Variants in PILRA observed in about 807,000 individuals in gnomAD.
PILRA encodes the protein paired immunoglobulin-like type 2 receptor alpha.
A neutral mutation model predicts 33.1 loss-of-function variants in PILRA; 37 were observed. The observed-to-expected ratio is 1.12, with a 90% CI of 0.86 to 1.47. The LOEUF (loss-of-function observed/expected upper bound fraction) is 1.47, where lower values mean the gene tolerates loss of function less well. Ranked by LOEUF, PILRA falls within the 40% of genes most tolerant of loss-of-function variation. The pLI, the probability that PILRA is intolerant of heterozygous loss-of-function variation, is 0.00. For synonymous variants in PILRA, 146 were observed against 149.9 expected (o/e 0.97, Z 0.19); for missense variants, 312 against 376.2 (o/e 0.83, Z 1.41).
intron 3 of PILRA, among the ~76,000 whole-genome samples, chr7:100,395,899 C>G (rs976530780): frequency 6.6e-6 from 1 of 151,824 alleles, no homozygotes; most frequent in African/African-American, 2.4e-5. Context: ...GCTGAGGTGG[C>G]AGATCACCTG....
chr7:100,382,053 G>A (rs1791116712), intron 2 of PILRA, among the ~76,000 whole-genome samples: 1 of 90,752 alleles, frequency 1.1e-5, no homozygotes, highest in South Asian at 3.9e-4. Context: ...AAGCCTCCAC[G>A]AGGAGCGCCG....
At position 100,373,963 on chromosome 7, in the gene PILRA, G is replaced by A. The variant is rs1194999588; in HGVS notation, c.65-81G>A. Reference sequence around the variant, plus strand: ...CACACGACTGCCTGTGGGTGAAGGTGCGGGAGGGTCTGGGGTCACCCTCTT... The same window carrying A: ...CACACGACTGCCTGTGGGTGAAGGTACGGGAGGGTCTGGGGTCACCCTCTT... On this transcript the variant is annotated intron_variant, in intron 1 of 6. Coordinates refer to ENST00000198536, the MANE Select transcript of PILRA (RefSeq NM_013439.3). The A allele has an allele frequency of 1.4e-5, 21 of 1,536,418 alleles. No individual in the cohort carries two copies. The South Asian group carries it at 1.6e-4, about 12-fold the overall frequency.
intron 2 of PILRA, among the ~76,000 whole-genome samples, chr7:100,386,151 T>C (rs1201520820): frequency 1.3e-5 from 2 of 151,378 alleles, no homozygotes; most frequent in African/African-American, 2.4e-5. Context: ...CCTCAGATGA[T>C]CCACCTGCCT....
intron 2 of PILRA, among the ~76,000 whole-genome samples, chr7:100,383,176 G>A (rs1298139418): frequency 6.6e-6 from 1 of 152,168 alleles, no homozygotes; most frequent in Non-Finnish European, 1.5e-5. Flanking sequence ...GGCACACTTG[G>A]GGAAACCAGT....
chr7:100,382,111 G>T (rs1275196324), intron 2 of PILRA, among the ~76,000 whole-genome samples: 2 of 152,138 alleles, frequency 1.3e-5, no homozygotes, highest in Admixed American at 6.5e-5. Context: ...AAGGGCCGAG[G>T]AGTGCGGGAG....
At chr7:100,373,947 G>A (rs752657227) in intron 1 of PILRA, 97 bp from the exon 2 acceptor site, 10 of 1,482,918 alleles carry the variant, frequency 6.7e-6, no homozygotes, top group Non-Finnish European at 8.3e-6. Flanking sequence ...TCACACGACT[G>A]CCTGTGGGTG....
upstream of PILRA, chr7:100,373,381 G>C (rs1790861348): frequency 3.5e-6 from 2 of 573,460 alleles, no homozygotes; most frequent in Non-Finnish European, 6.2e-6. Context: ...CTCGGCAGGA[G>C]GACGGGGACC....
intron 2 of PILRA, among the ~76,000 whole-genome samples, chr7:100,380,737 G>A (rs1356584756): frequency 1.3e-5 from 2 of 152,164 alleles, no homozygotes; most frequent in African/African-American, 2.4e-5. Flanking sequence ...AGGCCGAGGC[G>A]GGCGGATCAC....
At position 100,389,037 on chromosome 7, in the gene PILRA, T is replaced by C. The variant is rs553900079; in HGVS notation, c.455-851T>C. Among the ~76,000 whole-genome samples the C allele has an allele frequency of 2.9e-4, 44 of 152,310 alleles. No individual in the cohort carries two copies. In the South Asian group the frequency reaches 8.9e-3, roughly 31 times the overall value. On this transcript the variant is annotated intron_variant, in intron 2 of 6. Coordinates refer to ENST00000198536, the MANE Select transcript of PILRA (RefSeq NM_013439.3). ...TTTATGTTTTTTCTTATGTTTCCTT[T>C]TTGTTTTCAAGAGAGAGCTATCTTT...
In PILRA at chr7:100,390,051, G is replaced by A. The variant is rs771904472; in HGVS notation, c.618G>A (p.Val206=). The change falls in exon 3 of 7, where the codon GTG becomes GTA. Residue 206 remains valine, a synonymous_variant. Transcript: ENST00000198536. The part of the protein sequence containing the change: ...TAVGVAVAVT[V]LGIMILGLIC... ...TGGGGGTGGCAGTGGCTGTCACTGT[G>A]CTCGGAATCATGATTTTGGGACTGA... 6.2e-7 allele frequency: 1 copy of A among 1,614,076 alleles called. No individual in the cohort carries two copies. Among genetic ancestry groups the A allele is most frequent in the Admixed American group, 1.7e-5 (1 of 60,004 alleles).
upstream of PILRA, chr7:100,373,362 G>C: frequency 1.8e-6 from 1 of 564,686 alleles, no homozygotes; most frequent in South Asian, 2.2e-5. Context: ...CCAAGGTCAG[G>C]CCCAGCCCCT....
intron 4 of PILRA, among the ~76,000 whole-genome samples, chr7:100,398,245 C>A (rs545006260): frequency 3.3e-5 from 5 of 152,290 alleles, no homozygotes; most frequent in African/African-American, 7.2e-5. Context: ...TTCCTCTCAG[C>A]CTGGATCTTC....
chr7:100,388,851 G>C lies in PILRA; in HGVS notation c.455-1037G>C, dbSNP rs551490451. Among the ~76,000 whole-genome samples the C allele has an allele frequency of 1.6e-3, 248 of 151,014 alleles. 1 individual carries two copies. Among genetic ancestry groups the C allele is most frequent in the African/African-American group, 5.7e-3 (235 of 41,112 alleles). Reference sequence around the variant, plus strand: ...TTAGTCAAACTCATGGAGACAGAAAGTAGAGGGGTAGAAGGGTGGGGACAC... The same window carrying C: ...TTAGTCAAACTCATGGAGACAGAAACTAGAGGGGTAGAAGGGTGGGGACAC... On this transcript the variant is annotated intron_variant, in intron 2 of 6. Transcript: ENST00000198536.
chr7:100,381,499 C>T (rs1390905254), intron 2 of PILRA, among the ~76,000 whole-genome samples: 2 of 149,232 alleles, frequency 1.3e-5, no homozygotes, highest in African/African-American at 4.9e-5. Context: ...CCAAAACAAC[C>T]AAAAATGCAC....
chr7:100,379,983 C>T (rs921376799), intron 2 of PILRA, among the ~76,000 whole-genome samples: 1 of 152,130 alleles, frequency 6.6e-6, no homozygotes, highest in Non-Finnish European at 1.5e-5. Flanking sequence ...GCCCCGAGTA[C>T]CCCTGAAAGT....
At chr7:100,372,718 C>T (rs1790848860), upstream of PILRA, among the ~76,000 whole-genome samples, 1 of 152,174 alleles carries the variant, frequency 6.6e-6, no homozygotes, top group Non-Finnish European at 1.5e-5. Flanking sequence ...GAAGGGACAG[C>T]CTCCTGTCCT....
intron 3 of PILRA, among the ~76,000 whole-genome samples, chr7:100,396,188 A>G (rs1007156324): frequency 2.6e-5 from 4 of 152,326 alleles, no homozygotes; most frequent in African/African-American, 9.6e-5. Context: ...TTTTGGGTAC[A>G]TACCAAACAG....
chr7:100,392,513 G>A (rs1441597788), intron 3 of PILRA, among the ~76,000 whole-genome samples: 1 of 152,176 alleles, frequency 6.6e-6, no homozygotes, highest in Non-Finnish European at 1.5e-5. Context: ...AGATCTTGCA[G>A]AGGGTGTGCC....
intron 3 of PILRA, among the ~76,000 whole-genome samples, chr7:100,395,347 CTT>C (rs1308559793): frequency 6.6e-6 from 1 of 152,092 alleles, no homozygotes; most frequent in African/African-American, 2.4e-5. Flanking sequence ...GGTTCACTGT[CTT>C]CTAATCTTCT....
Sources: gnomAD v4.1 joint callset for allele counts (sites outside exome capture counted in the v4.1 genomes callset) on GRCh38, gnomAD v4.1.1 for gene constraint, MANE v1.5 for transcripts, NCBI Gene and HGNC (gene_info 2026-07-23, HGNC 2026-07-21) for gene names.